UGT2B11: variants seen among roughly 807,000 people sequenced by gnomAD.
UGT2B11 encodes the protein UDP-glucuronosyltransferase 2B11.
A neutral mutation model predicts 51.7 loss-of-function variants in UGT2B11; 49 were observed. The ratio of observed to expected loss-of-function variants is 0.95; its 90% CI spans 0.75 to 1.20. The LOEUF (loss-of-function observed/expected upper bound fraction) is 1.20. Ranked by LOEUF, UGT2B11 falls within the 50% of genes most tolerant of loss-of-function variation. The pLI, the probability that UGT2B11 is intolerant of heterozygous loss-of-function variation, is 0.00. For missense variants in UGT2B11, 810 were observed against 622.1 expected (o/e 1.30, Z -3.21); for synonymous variants, 273 against 209.0 (o/e 1.31, Z -2.64).
intron 5 of UGT2B11, 99 bp from the exon 6 acceptor site, chr4:69,200,818 A>C: frequency 1.5e-6 from 2 of 1,295,498 alleles, no homozygotes; most frequent in South Asian, 2.0e-5. Flanking sequence ...ATAATTCAAA[A>C]TAAATGTCAA....
At chr4:69,219,018 A>G (rs1484388042), upstream of UGT2B11, among the ~76,000 whole-genome samples, 1 of 152,132 alleles carries the variant, frequency 6.6e-6, no homozygotes, top group Non-Finnish European at 1.5e-5. Context: ...CTCAGGGTAG[A>G]GAACCAGCTG....
intron 2 of UGT2B11, among the ~76,000 whole-genome samples, chr4:69,211,435 G>A (rs1414548198): frequency 6.6e-6 from 1 of 151,456 alleles, no homozygotes; most frequent in Non-Finnish European, 1.5e-5. Flanking sequence ...ATATAACCTT[G>A]ATGTGCTGAA....
Position 69,200,316 on chromosome 4 carries a change from T to A in UGT2B11, c.*124A>T. ...CTTGACAAGGTAGATTTGAAAATTT[T>A]TTTTTTTTTTTTTTTTTTGTCACAG... On this transcript the variant is annotated 3_prime_UTR_variant, in exon 6 of 6. Transcript: ENST00000446444. The A allele has an allele frequency of 9.0e-6, 7 of 777,120 alleles. No individual in the cohort carries two copies. Among genetic ancestry groups the A allele is most frequent in the Non-Finnish European group, 9.8e-6 (6 of 612,736 alleles). The allele number at this position is 777,120 out of a possible 1,614,324, so 48.1% of individuals were successfully genotyped here. A position where few individuals can be genotyped will look rare whatever the true frequency, so the allele number is the denominator to read the frequency against.
In UGT2B11 at chr4:69,204,541, G is replaced by C. The variant is rs144151608; in HGVS notation, c.1199C>G (p.Pro400Arg). The change falls in exon 5 of 6, where the codon CCT (proline) becomes CGT (arginine). Residue 400 changes from proline (P) to arginine (R), a missense_variant. By Grantham distance (103) the Pro-to-Arg change is moderately radical (BLOSUM62 -2). Coordinates refer to ENST00000446444, the MANE Select transcript of UGT2B11 (RefSeq NM_001073.3). ...MVGIPLFFDQ[P>R]DNIAHMKAKG... is the part of the protein sequence containing the mutation. ...GGCCTTCATGTGAGCAATGTTATCA[G>C]GTTGATCAAAAAACAATGGAATGCC... is the stretch of plus-strand genomic sequence containing the variant. The C allele has an allele frequency of 1.2e-3, 2,014 of 1,612,294 alleles. 24 individuals are homozygous for C. In the African/African-American group the frequency reaches 0.024, roughly 19 times the overall value.
chr4:69,214,600 T>G lies in UGT2B11; in HGVS notation c.123A>C (p.Thr41=). 1 of 1,613,290 alleles carries G rather than the reference T, an allele frequency of 6.2e-7. No individual in the cohort carries two copies. Among genetic ancestry groups the G allele is most frequent in the Non-Finnish European group, 8.5e-7 (1 of 1,179,444 alleles). ...CTCTCTGAACAAGCTCTTTCAGGATTGTCTTCATATTCATCCAATGGCTGT... is the reference window on the plus strand; with the variant it reads ...CTCTCTGAACAAGCTCTTTCAGGATGGTCTTCATATTCATCCAATGGCTGT... ...AEYSHWMNMK[T]ILKELVQRGH... The change falls in exon 1 of 6, where the codon ACA becomes ACC. Residue 41 remains threonine (T), a synonymous_variant. Coordinates refer to ENST00000446444, the MANE Select transcript of UGT2B11 (RefSeq NM_001073.3).
At position 69,200,494 on chromosome 4, in the gene UGT2B11, AC is replaced by A. The variant is rs756383542; in HGVS notation, c.1535del (p.Cys512PhefsTer22). ...TAGCAAACTTCCAGAAACAAAACAG[AC>A]AAAACTTTGTGATGATAAATATCAC... is the stretch of plus-strand genomic sequence containing the variant. Reference protein sequence around the residue: ...ATVIFIITKFCLFCFWKFARK... With the variant: ...ATVIFIITKFXLFCFWKFARK... On this transcript the variant is annotated frameshift_variant, in exon 6 of 6. Coordinates refer to ENST00000446444, the MANE Select transcript of UGT2B11 (RefSeq NM_001073.3). LOFTEE classifies it high-confidence loss of function. 3.1e-6 allele frequency: 5 copies of A among 1,612,092 alleles called. No homozygotes were observed. The highest frequency in any genetic ancestry group is 4.2e-6 in the Non-Finnish European group (5 of 1,178,824).
rs1722184976 is a variant in UGT2B11 at position 69,214,270 on chromosome 4, A to G, written c.453T>C (p.Asp151=). 1.2e-6 allele frequency: 2 copies of G among 1,613,300 alleles called. No individual in the cohort carries two copies. The highest frequency in any genetic ancestry group is 1.7e-6 in the Non-Finnish European group (2 of 1,179,490). The change falls in exon 1 of 6, where the codon GAT becomes GAC. Residue 151 remains aspartate, a synonymous_variant. Coordinates refer to ENST00000446444, the MANE Select transcript of UGT2B11 (RefSeq NM_001073.3). ...GCAGCTCACCACAGGGAAAAACAGC[A>G]TCTGCAAAAACGATGTCAAATCTTG... ...QESRFDIVFA[D]AVFPCGELLA...
At chr4:69,206,143 T>C (rs1721847624) in intron 3 of UGT2B11, among the ~76,000 whole-genome samples, 1 of 151,398 alleles carries the variant, frequency 6.6e-6, no homozygotes, top group African/African-American at 2.4e-5. Flanking sequence ...CAAAGGACTA[T>C]AACTGGTTCT....
chr4:69,209,982 T>G (rs973218053), intron 2 of UGT2B11, among the ~76,000 whole-genome samples: 1 of 151,680 alleles, frequency 6.6e-6, no homozygotes, highest in Non-Finnish European at 1.5e-5. Context: ...ATATTATTTA[T>G]AGAAAATATG....
chr4:69,223,521 G>T, the UGT2B11 span, among the ~76,000 whole-genome samples: 1 of 152,180 alleles, frequency 6.6e-6, no homozygotes, highest in East Asian at 1.9e-4. Flanking sequence ...TGGATTTATT[G>T]TGGTCCTTCT....
At chr4:69,212,853 A>AT in intron 1 of UGT2B11, 132 bp from the exon 2 acceptor site, 8 of 763,760 alleles carry the variant, frequency 1.0e-5, no homozygotes, top group Non-Finnish European at 1.4e-5. Context: ...ATATAAATAT[A>AT]TATGAATAAT....
chr4:69,204,292 A>G, intron 5 of UGT2B11, 138 bp downstream of exon 5: 1 of 1,344,700 alleles, frequency 7.4e-7, no homozygotes. Context: ...TGATAAAAAC[A>G]AAGCAGATTT....
chr4:69,201,820 A>C (rs1721669581), intron 5 of UGT2B11, among the ~76,000 whole-genome samples: 1 of 151,856 alleles, frequency 6.6e-6, no homozygotes, highest in South Asian at 2.1e-4. Flanking sequence ...TTTAAATATA[A>C]AACACAAAAG....
chr4:69,210,762 A>T (rs1471642407), intron 2 of UGT2B11, among the ~76,000 whole-genome samples: 2 of 151,600 alleles, frequency 1.3e-5, no homozygotes, highest in Non-Finnish European at 3.0e-5. Flanking sequence ...TACAATTTGC[A>T]TTAAACAGAG....
chr4:69,222,170 A>C, the UGT2B11 span, among the ~76,000 whole-genome samples: 2 of 152,270 alleles, frequency 1.3e-5, no homozygotes, highest in African/African-American at 4.8e-5. Flanking sequence ...TGAGGTTGCC[A>C]GGTTTAATAA....
In UGT2B11 at chr4:69,212,741, G is replaced by T. The variant is rs772007774; in HGVS notation, c.722-20C>A. ...GTCTTCCTGACAGGAATAAAGAAAA[G>T]AAAAAGTGGATGATGTAAGATAATT... is the stretch of plus-strand genomic sequence containing the variant. On this transcript the variant is annotated intron_variant, in intron 1 of 5. Coordinates refer to ENST00000446444, the MANE Select transcript of UGT2B11 (RefSeq NM_001073.3). 3.1e-6 allele frequency: 5 copies of T among 1,587,556 alleles called. No homozygotes were observed. The highest frequency in any genetic ancestry group is 1.4e-5 in the African/African-American group (1 of 72,786).
rs142097172 is a variant in UGT2B11, at chr4:69,204,533, T to C, written c.1207A>G (p.Ile403Val). The stretch of plus-strand genomic sequence containing the variant: ...GCTCCCTTGGCCTTCATGTGAGCAA[T>C]GTTATCAGGTTGATCAAAAAACAAT... The part of the protein sequence containing the change: ...IPLFFDQPDN[I>V]AHMKAKGAAV... The change falls in exon 5 of 6, where the codon ATT (isoleucine) becomes GTT (valine). Residue 403 changes from isoleucine to valine, a missense_variant. By Grantham distance (29) the Ile-to-Val change is conservative. Transcript: ENST00000446444. 6.2e-7 allele frequency: 1 copy of C among 1,612,346 alleles called. No individual in the cohort carries two copies. The highest frequency in any genetic ancestry group is 1.7e-5 in the Admixed American group (1 of 59,866).
At chr4:69,213,886 T>A in intron 1 of UGT2B11, 116 bp downstream of exon 1, 7 of 1,360,344 alleles carry the variant, frequency 5.1e-6, no homozygotes, top group Non-Finnish European at 6.8e-6. Flanking sequence ...GTATTTTCAT[T>A]TCATAAATTC....
At chr4:69,212,846 T>C (rs1722125330) in intron 1 of UGT2B11, 125 bp from the exon 2 acceptor site, 1 of 872,786 alleles carries the variant, frequency 1.1e-6, no homozygotes, top group African/African-American at 1.8e-5. Flanking sequence ...GAAAAATATA[T>C]AAATATATAT....
Sources: allele counts gnomAD v4.1 joint callset (sites outside exome capture counted in the v4.1 genomes callset), GRCh38; gene constraint gnomAD v4.1.1; transcripts MANE v1.5; gene names NCBI Gene and HGNC (gene_info 2026-07-23, HGNC 2026-07-21).